Variants in LDB2 observed in about 807,000 individuals in gnomAD.
The protein encoded by LDB2 is LIM domain binding 2.
In LDB2, 12 loss-of-function variants were observed where a neutral mutation model predicts 44.3. That is an observed-to-expected ratio of 0.27 (90% confidence interval 0.17 to 0.44). The LOEUF is 0.44. LDB2 is among the 20% of genes least tolerant of loss of function. The pLI, the probability that LDB2 is intolerant of heterozygous loss-of-function variation, is 1.00. For synonymous variants in LDB2, 164 were observed against 174.8 expected, an observed-to-expected ratio of 0.94 and a Z score of 0.49; for missense variants, 344 against 473.5, an observed-to-expected ratio of 0.73 and a Z score of 2.54.
intron 4 of LDB2, among the ~76,000 whole-genome samples, chr4:16,586,978 T>C (rs1418792796): frequency 6.6e-6 from 1 of 152,192 alleles, no homozygotes; most frequent in African/African-American, 2.4e-5. Context: ...TGGATTTGTA[T>C]ATATAAATAA....
At chr4:16,608,896 T>C (rs577010456) in intron 2 of LDB2, among the ~76,000 whole-genome samples, 21 of 152,304 alleles carry the variant, frequency 1.4e-4, no homozygotes, top group Admixed American at 1.3e-3. Flanking sequence ...CTTCTCTCTC[T>C]GGCTTCATTC....
intron 5 of LDB2, among the ~76,000 whole-genome samples, chr4:16,570,195 G>A (rs903342587): frequency 8.5e-5 from 13 of 152,182 alleles, no homozygotes; most frequent in African/African-American, 3.1e-4. Context: ...TGGACACAGT[G>A]ACTCATGCCT....
chr4:16,702,409 G>A (rs1026549489), intron 2 of LDB2, among the ~76,000 whole-genome samples: 2 of 152,106 alleles, frequency 1.3e-5, no homozygotes, highest in Non-Finnish European at 2.9e-5. Context: ...CCCTAACAGG[G>A]ACACCAGCCT....
chr4:16,724,801 TAAAC>T lies in LDB2; in HGVS notation c.235+34353_235+34356del, dbSNP rs1418014761. Among the ~76,000 whole-genome samples the T allele has an allele frequency of 3.9e-5, 6 of 152,326 alleles. No homozygotes were observed. In the East Asian group the frequency reaches 1.2e-3, roughly 29 times the overall value. ...AATAAATGTTAAATAAATGAGTAAT[TAAAC>T]AATTCCGAAAGAAGTTTTCACAAGA... is the stretch of plus-strand genomic sequence containing the variant. On this transcript the variant is annotated intron_variant, in intron 2 of 7. Transcript: ENST00000304523.
At chr4:16,634,649 T>C (rs1733032730) in intron 2 of LDB2, among the ~76,000 whole-genome samples, 1 of 152,114 alleles carries the variant, frequency 6.6e-6, no homozygotes, top group African/African-American at 2.4e-5. Flanking sequence ...TAACAACAGA[T>C]GCTGGAGAGG....
intron 1 of LDB2, among the ~76,000 whole-genome samples, chr4:16,766,895 G>A (rs1376240699): frequency 6.6e-6 from 1 of 152,040 alleles, no homozygotes; most frequent in Non-Finnish European, 1.5e-5. Flanking sequence ...TAAACATTTT[G>A]CTACTAATAA....
At chr4:16,629,337 C>A (rs1731222712) in intron 2 of LDB2, among the ~76,000 whole-genome samples, 2 of 152,148 alleles carry the variant, frequency 1.3e-5, no homozygotes, top group Admixed American at 1.3e-4. Context: ...GGGTCCCTGA[C>A]CCCCGTGTAG....
chr4:16,594,499 A>G (rs1244688212), intron 3 of LDB2, among the ~76,000 whole-genome samples: 1 of 152,188 alleles, frequency 6.6e-6, no homozygotes, highest in East Asian at 1.9e-4. Flanking sequence ...CCTTTCCTAC[A>G]TTTAAAAAAG....
intron 2 of LDB2, among the ~76,000 whole-genome samples, chr4:16,733,990 C>T (rs1175071196): frequency 6.6e-6 from 1 of 152,114 alleles, no homozygotes; most frequent in Non-Finnish European, 1.5e-5. Context: ...GAGAGGCAGC[C>T]TGACATAGGG....
intron 5 of LDB2, among the ~76,000 whole-genome samples, chr4:16,560,348 G>A (rs140358832): frequency 0.024 from 3,619 of 152,058 alleles, 98 homozygotes; most frequent in African/African-American, 0.062. Flanking sequence ...AAAGACAGAA[G>A]AATCAAATAG....
chr4:16,595,426 C>G (rs971295948), intron 3 of LDB2, among the ~76,000 whole-genome samples: 3 of 152,068 alleles, frequency 2.0e-5, no homozygotes, highest in African/African-American at 4.8e-5. Context: ...TCTAATCTAG[C>G]AACTAAAATT....
intron 5 of LDB2, among the ~76,000 whole-genome samples, chr4:16,523,548 G>C (rs1202953491): frequency 6.6e-6 from 1 of 152,104 alleles, no homozygotes; most frequent in African/African-American, 2.4e-5. Flanking sequence ...GCCATACTGC[G>C]ACAGTCGATC....
chr4:16,735,471 G>T (rs1040221712), intron 2 of LDB2, among the ~76,000 whole-genome samples: 1 of 151,888 alleles, frequency 6.6e-6, no homozygotes, highest in African/African-American at 2.4e-5. Flanking sequence ...TGGGAGATGG[G>T]GCTTAACTTC....
chr4:16,615,499 AC>A (rs2152471367), intron 2 of LDB2, among the ~76,000 whole-genome samples: 2 of 152,268 alleles, frequency 1.3e-5, no homozygotes, highest in South Asian at 4.1e-4. Context: ...GGAAACTAAC[AC>A]AGGAACAGAA....
chr4:16,706,865 A>T (rs1326913499), intron 2 of LDB2, among the ~76,000 whole-genome samples: 2 of 152,122 alleles, frequency 1.3e-5, no homozygotes, highest in African/African-American at 2.4e-5. Context: ...GGTGACAGGG[A>T]TCAGTCATTT....
At chr4:16,666,292 G>C (rs1382570538) in intron 2 of LDB2, among the ~76,000 whole-genome samples, 1 of 152,176 alleles carries the variant, frequency 6.6e-6, no homozygotes, top group Non-Finnish European at 1.5e-5. Flanking sequence ...CAATAATCAA[G>C]AGTTGAAGCC....
Position 16,691,796 on chromosome 4 carries a change from A to G in LDB2, c.235+67362T>C, listed in dbSNP as rs532748727. Among the ~76,000 whole-genome samples the G allele has an allele frequency of 5.3e-5, 8 of 152,322 alleles. No individual in the cohort carries two copies. The East Asian group carries it at 1.5e-3, about 29-fold the overall frequency. ...GAAGTTAACTCATTTTCTTCTCATG[A>G]TGACCATCATCAAAAGGAGTGTAGG... is the stretch of plus-strand genomic sequence containing the variant. On this transcript the variant is annotated intron_variant, in intron 2 of 7. Transcript: ENST00000304523.
At chr4:16,558,981 G>T (rs1740931658) in intron 5 of LDB2, among the ~76,000 whole-genome samples, 1 of 152,090 alleles carries the variant, frequency 6.6e-6, no homozygotes, top group African/African-American at 2.4e-5. Flanking sequence ...GTAAGTGAAG[G>T]AGAACTAAAA....
intron 1 of LDB2, among the ~76,000 whole-genome samples, chr4:16,829,458 C>CGTGT (rs1392881697): frequency 1.3e-5 from 2 of 151,998 alleles, no homozygotes; most frequent in African/African-American, 4.8e-5. Flanking sequence ...TTTTTAAAAC[C>CGTGT]GTGTGTCTAT....
Sources: gnomAD v4.1 joint callset for allele counts (sites outside exome capture counted in the v4.1 genomes callset) on GRCh38, gnomAD v4.1.1 for gene constraint, MANE v1.5 for transcripts, NCBI Gene and HGNC (gene_info 2026-07-23, HGNC 2026-07-21) for gene names.